Variants in GSG1L observed in about 807,000 individuals in gnomAD.
GSG1L encodes GSG1 like.
In GSG1L, 24 loss-of-function variants were observed where a neutral mutation model predicts 42.1. That is an observed-to-expected ratio of 0.57 (90% CI 0.41 to 0.80). GSG1L has a LOEUF of 0.80. Among genes scored for constraint, GSG1L ranks in the 30% least tolerant of loss-of-function variants. GSG1L has a pLI of 0.00. For synonymous variants in GSG1L, 215 were observed against 203.5 expected, an observed-to-expected ratio of 1.06 and a Z score of -0.48; for missense variants, 445 against 472.2, an observed-to-expected ratio of 0.94 and a Z score of 0.53.
intron 4 of GSG1L, among the ~76,000 whole-genome samples, chr16:27,834,335 C>A (rs962082285): frequency 1.3e-5 from 2 of 151,998 alleles, no homozygotes; most frequent in Non-Finnish European, 2.9e-5. Flanking sequence ...TTGCTGACTT[C>A]TATGTGCTAT....
At chr16:27,867,881 G>C (rs1281415944) in intron 3 of GSG1L, among the ~76,000 whole-genome samples, 1 of 152,184 alleles carries the variant, frequency 6.6e-6, no homozygotes, top group Non-Finnish European at 1.5e-5. Context: ...TCGGAGCCTG[G>C]GCCTAGCAGT....
At chr16:27,906,000 C>A (rs930478759) in intron 2 of GSG1L, among the ~76,000 whole-genome samples, 2 of 152,052 alleles carry the variant, frequency 1.3e-5, no homozygotes, top group Non-Finnish European at 2.9e-5. Context: ...AAAGCTTTTG[C>A]CAATATAAAT....
chr16:27,888,462 T>C (rs754584039), intron 2 of GSG1L, among the ~76,000 whole-genome samples: 635 of 37,470 alleles, frequency 0.017, 35 homozygotes, highest in South Asian at 0.028. Context: ...CTTTCTTTCT[T>C]TCTCTCTCTC....
chr16:28,061,931 G>A (rs925959521), intron 1 of GSG1L, among the ~76,000 whole-genome samples: 2 of 152,198 alleles, frequency 1.3e-5, no homozygotes, highest in Admixed American at 6.5e-5. Flanking sequence ...CACTGGGTTC[G>A]CTTCACAGCT....
At position 28,017,062 on chromosome 16, in the gene GSG1L, A is replaced by C. The variant is rs532974909; in HGVS notation, c.349+46014T>G. ...AAAGTTCCCACTGTCTTGTGAATCA[A>C]ATCAGGTGCAGTTCTGATGTCTGAG... On this transcript the variant is annotated intron_variant, in intron 1 of 6. Coordinates refer to ENST00000447459, the MANE Select transcript of GSG1L (RefSeq NM_001109763.2). Among the ~76,000 whole-genome samples the C allele has an allele frequency of 3.8e-4, 58 of 152,342 alleles. 1 individual carries two copies. In the South Asian group the frequency reaches 0.012, roughly 32 times the overall value.
intron 5 of GSG1L, among the ~76,000 whole-genome samples, chr16:27,821,682 C>T (rs1314584781): frequency 2.0e-5 from 3 of 152,154 alleles, no homozygotes; most frequent in Non-Finnish European, 2.9e-5. Context: ...GGGCGGATCC[C>T]GAGATCAGGA....
intron 1 of GSG1L, among the ~76,000 whole-genome samples, chr16:28,017,946 G>C (rs778138776): frequency 5.9e-5 from 9 of 152,136 alleles, no homozygotes; most frequent in Non-Finnish European, 1.2e-4. Flanking sequence ...CTAATCCTTA[G>C]GTGGTGAGTA....
At chr16:28,022,963 C>T (rs1347770740) in intron 1 of GSG1L, among the ~76,000 whole-genome samples, 3 of 152,112 alleles carry the variant, frequency 2.0e-5, no homozygotes, top group Non-Finnish European at 4.4e-5. Context: ...AGCCACTGCA[C>T]CCAGCCAACA....
At chr16:27,915,310 A>G (rs978740037) in intron 2 of GSG1L, among the ~76,000 whole-genome samples, 2 of 152,096 alleles carry the variant, frequency 1.3e-5, no homozygotes, top group Non-Finnish European at 2.9e-5. Context: ...GAGCCAAGGG[A>G]GTCTGTGATT....
chr16:27,909,375 CTTTTTCTTTTTT>C (rs2084355259), intron 2 of GSG1L, among the ~76,000 whole-genome samples: 1 of 137,470 alleles, frequency 7.3e-6, no homozygotes, highest in African/African-American at 2.8e-5. Flanking sequence ...TTTCTTTCTT[CTTTTTCTTTTTT>C]TTTTTTTTTT....
chr16:28,037,377 G>A (rs934981521), intron 1 of GSG1L, among the ~76,000 whole-genome samples: 3 of 152,204 alleles, frequency 2.0e-5, no homozygotes, highest in African/African-American at 7.2e-5. Context: ...CAAGCCATTA[G>A]TGGATGAAGA....
chr16:27,943,693 G>A (rs756202771), intron 2 of GSG1L, among the ~76,000 whole-genome samples: 61 of 142,926 alleles, frequency 4.3e-4, no homozygotes, highest in Non-Finnish European at 5.7e-4. Flanking sequence ...TTATGCCTCA[G>A]CCTCTCAAGT....
At chr16:28,021,537 G>A in intron 1 of GSG1L, among the ~76,000 whole-genome samples, 1 of 152,016 alleles carries the variant, frequency 6.6e-6, no homozygotes, top group Non-Finnish European at 1.5e-5. Context: ...GTCTTCCCAG[G>A]AACTCCAGCA....
At chr16:27,969,820 T>A (rs543992708) in intron 1 of GSG1L, among the ~76,000 whole-genome samples, 29 of 152,382 alleles carry the variant, frequency 1.9e-4, no homozygotes, top group Non-Finnish European at 2.2e-4. Context: ...TATGTTCCCA[T>A]CAGCAACATA....
At chr16:27,831,718 A>G (rs2083276456) in intron 4 of GSG1L, among the ~76,000 whole-genome samples, 1 of 152,244 alleles carries the variant, frequency 6.6e-6, no homozygotes, top group South Asian at 2.1e-4. Context: ...CTGGACAGGC[A>G]CAAAGTCAGA....
intron 4 of GSG1L, among the ~76,000 whole-genome samples, chr16:27,833,741 G>T (rs530654123): frequency 6.6e-6 from 1 of 152,030 alleles, no homozygotes; most frequent in South Asian, 2.1e-4. Context: ...TTGTCCGAAT[G>T]TTCATTGCTA....
intron 3 of GSG1L, among the ~76,000 whole-genome samples, chr16:27,859,628 C>T (rs1025354948): frequency 6.6e-6 from 1 of 152,226 alleles, no homozygotes; most frequent in African/African-American, 2.4e-5. Context: ...TCATCTGTTA[C>T]ATTCCTTGAG....
At chr16:27,957,795 A>T (rs1289466442) in intron 2 of GSG1L, among the ~76,000 whole-genome samples, 1 of 152,228 alleles carries the variant, frequency 6.6e-6, no homozygotes, top group Non-Finnish European at 1.5e-5. Flanking sequence ...CTGTATAAGC[A>T]TGGCGCCAGC....
chr16:28,031,822 G>A (rs915598382), intron 1 of GSG1L, among the ~76,000 whole-genome samples: 16 of 152,314 alleles, frequency 1.1e-4, no homozygotes, highest in Non-Finnish European at 1.6e-4. Flanking sequence ...CTGAATGTGC[G>A]TAGAGCTGTT....
Sources: gnomAD v4.1 joint callset for allele counts (sites outside exome capture counted in the v4.1 genomes callset) on GRCh38, gnomAD v4.1.1 for gene constraint, MANE v1.5 for transcripts, NCBI Gene and HGNC (gene_info 2026-07-23, HGNC 2026-07-21) for gene names.